The following POU5F1 variants were observed in gnomAD, a reference collection of about 807,000 sequenced individuals.
POU5F1 encodes the protein POU domain, class 5, transcription factor 1.
A neutral mutation model predicts 38.3 loss-of-function variants in POU5F1; 6 were observed. The ratio of observed to expected loss-of-function variants is 0.16; its 90% confidence interval spans 0.09 to 0.31. The LOEUF is 0.31. POU5F1 is among the 10% of genes least tolerant of loss of function. The probability of loss-of-function intolerance (pLI) is 1.00; values close to 1 mark genes in which losing one functional copy is unlikely to be tolerated. For synonymous variants in POU5F1, 147 were observed against 194.9 expected (o/e 0.75, Z 2.05); for missense variants, 286 against 462.6 (o/e 0.62, Z 3.50).
chr6:31,167,890 G>T (rs986918894), intron 1 of POU5F1, among the ~76,000 whole-genome samples: 4 of 152,124 alleles, frequency 2.6e-5, no homozygotes, highest in African/African-American at 7.2e-5. Flanking sequence ...TGGCTAGGTA[G>T]ATCCTGTTGC....
At chr6:31,166,551 C>T in intron 1 of POU5F1, 1 of 983,354 alleles carries the variant, frequency 1.0e-6, no homozygotes, top group South Asian at 1.7e-5. Context: ...CCCAGCTACT[C>T]AGGAGGCTGA....
chr6:31,170,472 C>T lies in POU5F1; in HGVS notation c.149G>A (p.Gly50Glu), dbSNP rs771970606. ...GPPGGPGIGP[G>E]VGPGSEVWGI... ...CCACACCTCAGAGCCTGGCCCAACC[C>T]CCGGCCCGATTCCTGGCCCTCCAGG... Residue 50 changes from glycine (G) to glutamate (E), a missense_variant, in exon 1 of 5, where the codon GGG becomes GAG. Transcript: ENST00000259915. The T allele has an allele frequency of 6.2e-7, 1 of 1,605,702 alleles. No homozygotes were observed. Among genetic ancestry groups the T allele is most frequent in the African/African-American group, 1.3e-5 (1 of 74,672 alleles).
intron 1 of POU5F1, chr6:31,166,891 A>G (rs1240827545): frequency 7.6e-7 from 1 of 1,317,804 alleles, no homozygotes; most frequent in Admixed American, 2.6e-5. Flanking sequence ...ACACAAACAC[A>G]GCAAAAAAGT....
intron 1 of POU5F1, among the ~76,000 whole-genome samples, chr6:31,168,354 G>T (rs148456760): frequency 3.3e-5 from 5 of 151,490 alleles, no homozygotes; most frequent in African/African-American, 9.7e-5. Context: ...TCCTGCCTCA[G>T]CTTCCTGAGT....
chr6:31,169,400 A>C (rs1282550448), intron 1 of POU5F1, among the ~76,000 whole-genome samples: 1 of 152,206 alleles, frequency 6.6e-6, no homozygotes, highest in Non-Finnish European at 1.5e-5. Context: ...GGACTGGAAG[A>C]TACATCTTTA....
chr6:31,169,266 C>T (rs1292765865), intron 1 of POU5F1, among the ~76,000 whole-genome samples: 9 of 152,192 alleles, frequency 5.9e-5, no homozygotes, highest in Admixed American at 3.3e-4. Flanking sequence ...TCATTCAAGG[C>T]TCAGCAGTGA....
chr6:31,165,131 C>T lies in POU5F1; in HGVS notation c.813G>A (p.Lys271=). The part of the protein sequence containing the change: ...SHIAQQLGLE[K]DVVRVWFCNR... ...CGCAGAGAGACATGGCACTCACATC[C>T]TTCTCGAGCCCAAGCTGCTGGGCGA... The change falls in exon 4 of 5, where the codon AAG becomes AAA. Residue 271 remains lysine (K), a synonymous_variant. Transcript: ENST00000259915. This position sits in a 1 kb window ranked among gnomAD's most constrained non-coding sequence, Gnocchi z 6.5. The T allele has an allele frequency of 1.2e-6, 2 of 1,607,972 alleles. No homozygotes were observed. The highest frequency in any genetic ancestry group is 1.7e-6 in the Non-Finnish European group (2 of 1,177,460).
chr6:31,164,893 A>G (rs766211976), intron 4 of POU5F1, 26 bp from the exon 5 acceptor site: 2 of 1,577,992 alleles, frequency 1.3e-6, no homozygotes, highest in South Asian at 1.1e-5. Flanking sequence ...AGAAAGGAGA[A>G]TGACATTAGA....
At position 31,165,803 on chromosome 6, in the gene POU5F1, G is replaced by GCCCAAA. The variant is rs200714691; in HGVS notation, c.527-103_527-102insTTTGGG. 6.4e-7 allele frequency: 1 copy of GCCCAAA among 1,561,390 alleles called. No homozygotes were observed. Among genetic ancestry groups the GCCCAAA allele is most frequent in the Non-Finnish European group, 8.7e-7 (1 of 1,150,928 alleles). On this transcript the variant is annotated intron_variant, in intron 2 of 4. Transcript: ENST00000259915. The surrounding 1 kb of genome is among the most constrained non-coding windows in gnomAD (Gnocchi z 6.5). ...CACCTCTTCCCAGAGGGAGCTCAAAGCATCTTCTCCCTCTCCCTACTCCTC... is the reference window on the plus strand; with the variant it reads ...CACCTCTTCCCAGAGGGAGCTCAAAGCCCAAACATCTTCTCCCTCTCCCTACTCCTC...
chr6:31,170,010 T>C (rs1194915848), intron 1 of POU5F1: 3 of 777,110 alleles, frequency 3.9e-6, no homozygotes, highest in South Asian at 3.6e-5. Flanking sequence ...AGTTGTCTCT[T>C]CGAAATCCAG....
At chr6:31,166,356 G>C in intron 1 of POU5F1, 1 of 1,419,116 alleles carries the variant, frequency 7.0e-7, no homozygotes, top group Middle Eastern at 1.8e-4. Context: ...ACACCTGTCA[G>C]GTTATGAAGG....
At chr6:31,168,902 C>T (rs1777473940) in intron 1 of POU5F1, among the ~76,000 whole-genome samples, 1 of 152,152 alleles carries the variant, frequency 6.6e-6, no homozygotes, top group Non-Finnish European at 1.5e-5. Context: ...CAGAGGTGCA[C>T]AGCTAGTGAG....
Position 31,170,412 on chromosome 6 carries a change from C to T in POU5F1, c.209G>A (p.Cys70Tyr). 1 of 1,612,602 alleles carries T rather than the reference C, an allele frequency of 6.2e-7. No homozygotes were observed. Among genetic ancestry groups the T allele is most frequent in the East Asian group, 2.2e-5 (1 of 44,876 alleles). Residue 70 changes from cysteine (C) to tyrosine (Y), a missense_variant, in exon 1 of 5, where the codon TGT becomes TAT. Physicochemically the swap from Cys to Tyr is radical, Grantham distance 194 (BLOSUM62 -2). Around this residue, in one of 2 missense-constraint regions of POU5F1, gnomAD observed 176 missense variants for 184.8 expected, o/e 0.95. Coordinates refer to ENST00000259915, the MANE Select transcript of POU5F1 (RefSeq NM_002701.6). ...GGGCCCACAGTACGCCATCCCCCCA[C>T]AGAACTCATACGGCGGGGGGCATGG... ...IPPCPPPYEFCGGMAYCGPQV... is the reference protein window; with the variant it reads ...IPPCPPPYEFYGGMAYCGPQV...
At position 31,170,546 on chromosome 6, in the gene POU5F1, C is replaced by T. The variant is rs780177765; in HGVS notation, c.75G>A (p.Pro25=). 10 of 1,572,968 alleles carry T rather than the reference C, an allele frequency of 6.4e-6. No homozygotes were observed. The highest frequency in any genetic ancestry group is 2.0e-4 in the Middle Eastern group (1 of 5,046). Residue 25 remains proline, a synonymous_variant, in exon 1 of 5, where the codon CCG becomes CCA. Coordinates refer to ENST00000259915, the MANE Select transcript of POU5F1 (RefSeq NM_002701.6). ...TCCGAGGATCAACCCAGCCCGGCTC[C>T]GGCCCCCCTGGCCCATCACCTCCAC... ...PGGGGDGPGG[P]EPGWVDPRTW...
rs927467930 is a variant in POU5F1 at position 31,164,393 on chromosome 6, T to C, written c.*208A>G. 37 of 1,102,136 alleles carry C rather than the reference T, an allele frequency of 3.4e-5. No individual in the cohort carries two copies. Among genetic ancestry groups the C allele is most frequent in the Non-Finnish European group, 4.6e-5 (36 of 782,392 alleles). 68.3% of individuals were successfully genotyped at this position (1,102,136 alleles called of 1,614,324 possible). A position where few individuals can be genotyped will look rare whatever the true frequency, so the allele number is the denominator to read the frequency against. ...CTTTATTTAAGAAAAAAGTGATACATGATGTGGGATTAAAATCAAGAGCAT... is the reference window on the plus strand; with the variant it reads ...CTTTATTTAAGAAAAAAGTGATACACGATGTGGGATTAAAATCAAGAGCAT... On this transcript the variant is annotated 3_prime_UTR_variant, in exon 5 of 5. Transcript: ENST00000259915.
rs1777604076 is a variant in POU5F1 at position 31,170,680 on chromosome 6, C to T, written c.-60G>A. 7.4e-6 allele frequency: 11 copies of T among 1,486,364 alleles called. No homozygotes were observed. The Admixed American group carries it at 2.1e-4, about 28-fold the overall frequency. 92.1% of individuals were successfully genotyped at this position (1,486,364 alleles called of 1,614,324 possible). On this transcript the variant is annotated 5_prime_UTR_variant, in exon 1 of 5. Transcript: ENST00000259915. ...GAAATGAGGGCTTGCGAAGGGACTA[C>T]TCAACCCCTCTCTCCCTCCCCAGTC... is the stretch of plus-strand genomic sequence containing the variant.
In POU5F1 at chr6:31,165,829, T is replaced by G; in HGVS notation, c.526+98A>C. ...CATCTTCTCCCTCTCCCTACTCCTCTTCATGGGTGAGGGTAGTCTGCCCCT... is the reference window on the plus strand; with the variant it reads ...CATCTTCTCCCTCTCCCTACTCCTCGTCATGGGTGAGGGTAGTCTGCCCCT... On this transcript the variant is annotated intron_variant, in intron 2 of 4. Transcript: ENST00000259915. The surrounding 1 kb of genome is among the most constrained non-coding windows in gnomAD (Gnocchi z 6.5). The G allele has an allele frequency of 6.6e-7, 1 of 1,521,820 alleles. No individual in the cohort carries two copies. The highest frequency in any genetic ancestry group is 2.1e-5 in the Admixed American group (1 of 48,760). 94.3% of individuals were successfully genotyped at this position (1,521,820 alleles called of 1,614,324 possible).
At position 31,165,829 on chromosome 6, in the gene POU5F1, T is replaced by A. The variant is rs1777189403; in HGVS notation, c.526+98A>T. ...CATCTTCTCCCTCTCCCTACTCCTC[T>A]TCATGGGTGAGGGTAGTCTGCCCCT... is the stretch of plus-strand genomic sequence containing the variant. On this transcript the variant is annotated intron_variant, in intron 2 of 4. Transcript: ENST00000259915. This position sits in a 1 kb window ranked among gnomAD's most constrained non-coding sequence, Gnocchi z 6.5. 3 of 1,521,820 alleles carry A rather than the reference T, an allele frequency of 2.0e-6. No individual in the cohort carries two copies. The South Asian group carries it at 3.5e-5, about 18-fold the overall frequency. 94.3% of individuals were successfully genotyped at this position (1,521,820 alleles called of 1,614,324 possible).
intron 1 of POU5F1, among the ~76,000 whole-genome samples, chr6:31,167,412 G>C (rs115487975): frequency 0.02 from 2,963 of 151,212 alleles, 96 homozygotes; most frequent in African/African-American, 0.067. Flanking sequence ...ATATATTATG[G>C]AAAAAAGTAA....
Sources: allele counts gnomAD v4.1 joint callset (sites outside exome capture counted in the v4.1 genomes callset), GRCh38; gene constraint gnomAD v4.1.1; regional missense constraint gnomAD v4.1.1; non-coding constraint Gnocchi (gnomAD v3.1); transcripts MANE v1.5; gene names NCBI Gene and HGNC (gene_info 2026-07-23, HGNC 2026-07-21).